Variants in AUTS2 observed in about 807,000 individuals in gnomAD.
AUTS2 encodes autism susceptibility gene 2 protein.
In AUTS2, 17 loss-of-function variants were observed where a neutral mutation model predicts 112.4. The ratio of observed to expected loss-of-function variants is 0.15; its 90% CI spans 0.10 to 0.23. AUTS2 has a LOEUF of 0.23. Among genes scored for constraint, AUTS2 ranks in the 10% least tolerant of loss-of-function variants. AUTS2 has a pLI of 1.00. For missense variants in AUTS2, 1,510 were observed against 1,701.6 expected (o/e 0.89, Z 1.98); for synonymous variants, 751 against 702.7 (o/e 1.07, Z -1.09).
At chr7:69,951,381 T>C (rs1054718652) in intron 2 of AUTS2, among the ~76,000 whole-genome samples, 1 of 152,080 alleles carries the variant, frequency 6.6e-6, no homozygotes, top group African/African-American at 2.4e-5. Flanking sequence ...CTTGTTCTGA[T>C]CAGGATTGTA....
intron 5 of AUTS2, among the ~76,000 whole-genome samples, chr7:70,478,424 T>C (rs1797663397): frequency 6.6e-6 from 1 of 152,156 alleles, no homozygotes; most frequent in Non-Finnish European, 1.5e-5. Context: ...AAGCATCTTA[T>C]ACTCAGGGGG....
intron 1 of AUTS2, among the ~76,000 whole-genome samples, chr7:69,817,811 C>G (rs1301235810): frequency 6.6e-6 from 1 of 152,154 alleles, no homozygotes; most frequent in East Asian, 1.9e-4. Flanking sequence ...TGAGAACCTG[C>G]CTCTGGACCC....
intron 1 of AUTS2, among the ~76,000 whole-genome samples, chr7:69,804,499 C>T (rs1307685671): frequency 6.6e-6 from 1 of 152,182 alleles, no homozygotes; most frequent in African/African-American, 2.4e-5. Flanking sequence ...TCACCTTCGT[C>T]TCTACTTTCT....
intron 4 of AUTS2, among the ~76,000 whole-genome samples, chr7:70,306,511 TG>T (rs746388881): frequency 6.6e-6 from 1 of 152,198 alleles, no homozygotes; most frequent in Non-Finnish European, 1.5e-5. Context: ...TAAATATTAG[TG>T]TTTTTTTACC....
chr7:70,139,066 G>A (rs928918678), intron 4 of AUTS2, among the ~76,000 whole-genome samples: 9 of 152,030 alleles, frequency 5.9e-5, no homozygotes, highest in East Asian at 1.9e-4. Flanking sequence ...TTCTGGGCTC[G>A]GGTGATCCTC....
intron 1 of AUTS2, among the ~76,000 whole-genome samples, chr7:69,794,912 C>G (rs1789773925): frequency 2.0e-5 from 3 of 152,052 alleles, no homozygotes; most frequent in Admixed American, 2.0e-4. Context: ...ATACATGTAC[C>G]CAGCCATCTT....
intron 6 of AUTS2, among the ~76,000 whole-genome samples, chr7:70,737,365 A>C (rs1042507707): frequency 6.6e-6 from 1 of 152,226 alleles, no homozygotes; most frequent in African/African-American, 2.4e-5. Context: ...TAACATCTGT[A>C]AATTCCACAG....
At chr7:70,117,986 G>T in intron 2 of AUTS2, 146 bp from the exon 3 acceptor site, 1 of 1,024,056 alleles carries the variant, frequency 9.8e-7, no homozygotes, top group Non-Finnish European at 1.3e-6. Context: ...CTAACCTCGT[G>T]ATCCTCCTAC....
intron 4 of AUTS2, among the ~76,000 whole-genome samples, chr7:70,156,545 G>A (rs931118694): frequency 2.6e-5 from 4 of 152,068 alleles, no homozygotes; most frequent in African/African-American, 7.2e-5. Context: ...TAGAACCATC[G>A]TTTGCAAGCA....
intron 2 of AUTS2, among the ~76,000 whole-genome samples, chr7:69,956,324 C>T (rs150647787): frequency 2.6e-4 from 40 of 152,270 alleles, no homozygotes; most frequent in Non-Finnish European, 4.6e-4. Flanking sequence ...CTCAAATGCA[C>T]ATACATACCT....
At chr7:70,529,814 G>A (rs1265559570) in intron 5 of AUTS2, among the ~76,000 whole-genome samples, 1 of 152,132 alleles carries the variant, frequency 6.6e-6, no homozygotes, top group African/African-American at 2.4e-5. Flanking sequence ...GATGAAACAG[G>A]GCTTTGTGTC....
chr7:70,651,632 A>G (rs1806512806), intron 5 of AUTS2, among the ~76,000 whole-genome samples: 1 of 152,216 alleles, frequency 6.6e-6, no homozygotes, highest in Non-Finnish European at 1.5e-5. Context: ...GTGAAAAACA[A>G]GATGGTTGTA....
chr7:70,616,506 C>T (rs1396603493), intron 5 of AUTS2, among the ~76,000 whole-genome samples: 1 of 152,152 alleles, frequency 6.6e-6, no homozygotes, highest in Non-Finnish European at 1.5e-5. Flanking sequence ...CTGCAGTTGC[C>T]ATTTTGCATT....
chr7:70,069,168 A>G (rs1802637665), intron 2 of AUTS2, among the ~76,000 whole-genome samples: 2 of 152,192 alleles, frequency 1.3e-5, no homozygotes, highest in African/African-American at 4.8e-5. Context: ...GTACCTCAGT[A>G]ATAGGGTTCA....
intron 5 of AUTS2, among the ~76,000 whole-genome samples, chr7:70,449,299 G>A (rs1414812080): frequency 1.3e-5 from 2 of 152,232 alleles, no homozygotes; most frequent in Non-Finnish European, 2.9e-5. Flanking sequence ...TACAGGCAGA[G>A]AGACTGTCTC....
At chr7:70,685,469 T>C (rs1351830251) in intron 5 of AUTS2, among the ~76,000 whole-genome samples, 27 of 103,152 alleles carry the variant, frequency 2.6e-4, no homozygotes, top group Non-Finnish European at 2.0e-4. Context: ...CAAGACTCTG[T>C]CTCAAAAAAA....
intron 5 of AUTS2, among the ~76,000 whole-genome samples, chr7:70,569,137 A>T (rs1456209818): frequency 1.3e-5 from 2 of 152,172 alleles, no homozygotes; most frequent in Admixed American, 6.5e-5. Context: ...TCTATAATAG[A>T]TATCAAATGG....
At chr7:70,446,327 G>A (rs1200148379) in intron 5 of AUTS2, among the ~76,000 whole-genome samples, 1 of 152,222 alleles carries the variant, frequency 6.6e-6, no homozygotes, top group Non-Finnish European at 1.5e-5. Context: ...CGGCCGGAGT[G>A]CGTGCCGGCT....
At chr7:70,112,938 A>G (rs1805159976) in intron 2 of AUTS2, among the ~76,000 whole-genome samples, 1 of 151,910 alleles carries the variant, frequency 6.6e-6, no homozygotes, top group African/African-American at 2.4e-5. Flanking sequence ...TTTCTCTATT[A>G]TGATTTGAGT....
Sources: allele counts gnomAD v4.1 joint callset (sites outside exome capture counted in the v4.1 genomes callset), GRCh38; gene constraint gnomAD v4.1.1; transcripts MANE v1.5; gene names NCBI Gene and HGNC (gene_info 2026-07-23, HGNC 2026-07-21).